The following RAPGEF5 variants were observed in gnomAD, a reference collection of about 807,000 sequenced individuals.
RAPGEF5 encodes M-Ras-regulated GEF.
A neutral mutation model predicts 125.2 loss-of-function variants in RAPGEF5; 65 were observed. The ratio of observed to expected loss-of-function variants is 0.52; its 90% CI spans 0.43 to 0.64. The LOEUF (loss-of-function observed/expected upper bound fraction) is 0.64, where lower values mean the gene tolerates loss of function less well. RAPGEF5 is among the 30% of genes least tolerant of loss of function. RAPGEF5 has a pLI of 0.00. For synonymous variants in RAPGEF5, 391 were observed against 385.9 expected, an observed-to-expected ratio of 1.01 and a Z score of -0.16; for missense variants, 958 against 1,048.1, an observed-to-expected ratio of 0.91 and a Z score of 1.19.
At chr7:22,254,911 G>T (rs1786717824) in intron 7 of RAPGEF5, among the ~76,000 whole-genome samples, 1 of 152,156 alleles carries the variant, frequency 6.6e-6, no homozygotes, top group African/African-American at 2.4e-5. Flanking sequence ...GGTAATGCTT[G>T]CTTGCTGCCA....
intron 1 of RAPGEF5, among the ~76,000 whole-genome samples, chr7:22,348,493 A>G (rs904261596): frequency 6.6e-6 from 1 of 152,210 alleles, no homozygotes; most frequent in African/African-American, 2.4e-5. Context: ...TTTTTCATAC[A>G]GGCCAGAAAA....
At chr7:22,127,945 T>A (rs573628335) in intron 24 of RAPGEF5, among the ~76,000 whole-genome samples, 1 of 152,218 alleles carries the variant, frequency 6.6e-6, no homozygotes, top group African/African-American at 2.4e-5. Context: ...TCAAGCTGCA[T>A]TTGTAAAGGA....
At chr7:22,234,526 G>C (rs768432975) in intron 7 of RAPGEF5, among the ~76,000 whole-genome samples, 18 of 152,282 alleles carry the variant, frequency 1.2e-4, no homozygotes, top group Non-Finnish European at 2.1e-4. Flanking sequence ...AATGGCCTTT[G>C]AAAATAACTT....
At chr7:22,331,833 C>T (rs937836552) in intron 1 of RAPGEF5, among the ~76,000 whole-genome samples, 3 of 151,446 alleles carry the variant, frequency 2.0e-5, no homozygotes, top group South Asian at 2.1e-4. Context: ...ACATTCAGAA[C>T]AGGGACAGCA....
chr7:22,168,238 G>A (rs1339034021), intron 11 of RAPGEF5, among the ~76,000 whole-genome samples: 2 of 152,126 alleles, frequency 1.3e-5, no homozygotes, highest in Admixed American at 1.3e-4. Flanking sequence ...GGCCATGAGG[G>A]TGGAGCCCTC....
chr7:22,216,393 C>T (rs1189219683), intron 9 of RAPGEF5, among the ~76,000 whole-genome samples: 1 of 152,126 alleles, frequency 6.6e-6, no homozygotes, highest in African/African-American at 2.4e-5. Context: ...TCCCAGCCCA[C>T]CCCTCTCCAT....
chr7:22,174,994 G>A (rs1046994864), intron 11 of RAPGEF5, among the ~76,000 whole-genome samples: 12 of 152,168 alleles, frequency 7.9e-5, no homozygotes, highest in Non-Finnish European at 1.8e-4. Flanking sequence ...AGAAAAATAA[G>A]CAGCAGTCTA....
intron 1 of RAPGEF5, among the ~76,000 whole-genome samples, chr7:22,350,998 T>C (rs1248524055): frequency 6.6e-6 from 1 of 152,252 alleles, no homozygotes; most frequent in Non-Finnish European, 1.5e-5. Context: ...CCTCTCTTAA[T>C]GGCCTTTATC....
intron 17 of RAPGEF5, 35 bp downstream of exon 17, chr7:22,154,419 TG>T: frequency 6.2e-7 from 1 of 1,607,876 alleles, no homozygotes; most frequent in Non-Finnish European, 8.5e-7. Context: ...AGGAGATCAG[TG>T]AAAGATTAAT....
At chr7:22,222,624 C>T (rs764695044) in intron 8 of RAPGEF5, among the ~76,000 whole-genome samples, 1 of 152,150 alleles carries the variant, frequency 6.6e-6, no homozygotes, top group African/African-American at 2.4e-5. Context: ...AGAGGTAATG[C>T]AGGAGCCCAA....
chr7:22,310,974 G>C (rs1783455931), intron 3 of RAPGEF5, among the ~76,000 whole-genome samples: 1 of 152,076 alleles, frequency 6.6e-6, no homozygotes. Context: ...GAAGTGTTTT[G>C]TCATTTGCAG....
At chr7:22,141,142 C>T (rs577237891) in intron 20 of RAPGEF5, among the ~76,000 whole-genome samples, 1 of 152,244 alleles carries the variant, frequency 6.6e-6, no homozygotes, top group Non-Finnish European at 1.5e-5. Context: ...GGATTATTTA[C>T]TATCATTAAC....
At chr7:22,162,661 A>G in intron 12 of RAPGEF5, 120 bp from the exon 13 acceptor site, 2 of 1,003,240 alleles carry the variant, frequency 2.0e-6, no homozygotes, top group Non-Finnish European at 3.0e-6. Flanking sequence ...CAGGAAGAAT[A>G]GAATATGCGT....
chr7:22,294,007 T>G (rs1388262281), intron 5 of RAPGEF5, among the ~76,000 whole-genome samples: 1 of 152,118 alleles, frequency 6.6e-6, no homozygotes, highest in Non-Finnish European at 1.5e-5. Flanking sequence ...AAGACAAAGT[T>G]CTCACTTATC....
Position 22,150,509 on chromosome 7 carries a change from A to AT in RAPGEF5, c.1787-6dup. 2 of 1,308,418 alleles carry AT rather than the reference A, an allele frequency of 1.5e-6. No homozygotes were observed. Among genetic ancestry groups the AT allele is most frequent in the Non-Finnish European group, 9.8e-7 (1 of 1,015,732 alleles). 81.1% of individuals were successfully genotyped at this position (1,308,418 alleles called of 1,614,324 possible). A position where few individuals can be genotyped will look rare whatever the true frequency, so the allele number is the denominator to read the frequency against. On this transcript the variant is annotated splice_region_variant and splice_polypyrimidine_tract_variant and intron_variant, in intron 17 of 25. Coordinates refer to ENST00000665637, the MANE Select transcript of RAPGEF5 (RefSeq NM_012294.5). The stretch of plus-strand genomic sequence containing the variant: ...TTGGCTGAAGTTCATGCTTTTCTTT[A>AT]TTTGAAAAAAAAAAAAAAAAAAGGA...
chr7:22,220,107 T>C (rs954029574), intron 8 of RAPGEF5, 116 bp from the exon 9 acceptor site: 3 of 1,314,192 alleles, frequency 2.3e-6, no homozygotes, highest in Non-Finnish European at 3.1e-6. Context: ...GATTAAATCA[T>C]GGTCTTGGTA....
intron 7 of RAPGEF5, among the ~76,000 whole-genome samples, chr7:22,252,575 C>T (rs549251915): frequency 1.3e-5 from 2 of 152,144 alleles, no homozygotes; most frequent in Admixed American, 6.5e-5. Context: ...TAATTCTAAA[C>T]AATTCTCAGG....
chr7:22,221,218 C>G (rs1181397194), intron 8 of RAPGEF5, among the ~76,000 whole-genome samples: 4 of 152,170 alleles, frequency 2.6e-5, no homozygotes, highest in Non-Finnish European at 5.9e-5. Context: ...CAGTTCCTTT[C>G]TAAAGTTTCC....
At chr7:22,167,016 G>A (rs1411594095) in intron 12 of RAPGEF5, 54 bp downstream of exon 12, 4 of 1,421,246 alleles carry the variant, frequency 2.8e-6, no homozygotes, top group Non-Finnish European at 4.0e-6. Flanking sequence ...TCCTAACGTG[G>A]GACATCTGTC....
Sources: allele counts gnomAD v4.1 joint callset (sites outside exome capture counted in the v4.1 genomes callset), GRCh38; gene constraint gnomAD v4.1.1; transcripts MANE v1.5; gene names NCBI Gene and HGNC (gene_info 2026-07-23, HGNC 2026-07-21).